The following ITGB3BP variants were observed in gnomAD, a reference collection of about 807,000 sequenced individuals.
ITGB3BP encodes the protein centromere protein R.
ITGB3BP carries 27 observed loss-of-function variants against 29.1 expected under a neutral mutation model. The observed-to-expected ratio is 0.93, with a 90% CI of 0.68 to 1.28. The LOEUF (loss-of-function observed/expected upper bound fraction) is 1.28, where lower values mean the gene tolerates loss of function less well. Ranked by LOEUF, ITGB3BP falls within the 50% of genes most tolerant of loss-of-function variation. The pLI, the probability that ITGB3BP is intolerant of heterozygous loss-of-function variation, is 0.00. For missense variants in ITGB3BP, 192 were observed against 200.2 expected (o/e 0.96, Z 0.25); for synonymous variants, 61 against 61.4 (o/e 0.99, Z 0.03).
At chr1:63,513,323 TATC>T (rs1646241978) in intron 1 of ITGB3BP, among the ~76,000 whole-genome samples, 1 of 152,234 alleles carries the variant, frequency 6.6e-6, no homozygotes. Flanking sequence ...AAGCCATTCC[TATC>T]ATTATTTATT....
In ITGB3BP at chr1:63,454,506, C is replaced by A. The variant is rs757388317; in HGVS notation, c.334-33G>T. 9.5e-7 allele frequency: 1 copy of A among 1,052,420 alleles called. No individual in the cohort carries two copies. The highest frequency in any genetic ancestry group is 1.4e-6 in the Non-Finnish European group (1 of 690,100). The allele number at this position is 1,052,420 out of a possible 1,614,324, so 65.2% of individuals were successfully genotyped here. On this transcript the variant is annotated intron_variant, in intron 5 of 8. Transcript: ENST00000271002. The surrounding 1 kb of genome is among the most constrained non-coding windows in gnomAD (Gnocchi z 4.1). ...AAAGTCATCTTGAATGAGTTAAGTT[C>A]TCTACACACATGAGATTACTGACAT... is the stretch of plus-strand genomic sequence containing the variant.
intron 2 of ITGB3BP, among the ~76,000 whole-genome samples, chr1:63,506,003 G>A (rs976706071): frequency 1.3e-5 from 2 of 152,184 alleles, no homozygotes; most frequent in African/African-American, 4.8e-5. Flanking sequence ...GATTTGGGGT[G>A]GAGAGTTCTG....
intron 2 of ITGB3BP, among the ~76,000 whole-genome samples, chr1:63,507,893 G>A (rs761181478): frequency 6.6e-6 from 1 of 152,106 alleles, no homozygotes; most frequent in Admixed American, 6.6e-5. Flanking sequence ...GAGGTCATAA[G>A]TATCTCAGTA....
intron 2 of ITGB3BP, among the ~76,000 whole-genome samples, chr1:63,500,909 AG>A (rs1347091995): frequency 2.0e-5 from 3 of 152,240 alleles, no homozygotes; most frequent in Non-Finnish European, 2.9e-5. Context: ...TTTTAATCTT[AG>A]AAACTTACAG....
intron 1 of ITGB3BP, among the ~76,000 whole-genome samples, chr1:63,511,157 A>G (rs941662261): frequency 1.1e-4 from 17 of 152,312 alleles, no homozygotes; most frequent in South Asian, 8.3e-4. Context: ...CTAATGACCA[A>G]TAAGCACATG....
chr1:63,445,162 T>C (rs1400125336), intron 8 of ITGB3BP, among the ~76,000 whole-genome samples: 1 of 152,008 alleles, frequency 6.6e-6, no homozygotes, highest in Non-Finnish European at 1.5e-5. Flanking sequence ...GGTGCTCAAC[T>C]GTAATCCCAG....
chr1:63,522,957 T>C (rs1646492703), intron 1 of ITGB3BP, 172 bp downstream of exon 1: 2 of 808,598 alleles, frequency 2.5e-6, no homozygotes, highest in African/African-American at 3.4e-5. Flanking sequence ...TGAGTACCGC[T>C]GGAGGAGACG....
chr1:63,471,640 G>A (rs1049556713), intron 4 of ITGB3BP, among the ~76,000 whole-genome samples: 1 of 152,108 alleles, frequency 6.6e-6, no homozygotes, highest in Non-Finnish European at 1.5e-5. Context: ...TAAGGGTCCA[G>A]ATAAAATTTT....
chr1:63,508,447 T>C, intron 2 of ITGB3BP, 81 bp downstream of exon 2: 2 of 663,606 alleles, frequency 3.0e-6, no homozygotes, highest in Non-Finnish European at 5.2e-6. Flanking sequence ...AAGATAATTT[T>C]AATATTTAAC....
chr1:63,520,873 CTTA>C (rs772415827), intron 1 of ITGB3BP, among the ~76,000 whole-genome samples: 1 of 152,080 alleles, frequency 6.6e-6, no homozygotes, highest in African/African-American at 2.4e-5. Flanking sequence ...CCATAAGTAG[CTTA>C]TTTTTGCGTG....
At position 63,472,918 on chromosome 1, in the gene ITGB3BP, G is replaced by A. The variant is rs1372453704; in HGVS notation, c.254+5846C>T. On this transcript the variant is annotated intron_variant, in intron 4 of 8. Coordinates refer to ENST00000271002, the MANE Select transcript of ITGB3BP (RefSeq NM_014288.5). ...CCACCCCGTCTGGGAAGTGAGGAGCGTCTCTGCCTGGCCGCCCATCATCTG... is the reference window on the plus strand; with the variant it reads ...CCACCCCGTCTGGGAAGTGAGGAGCATCTCTGCCTGGCCGCCCATCATCTG... Among the ~76,000 whole-genome samples, 9 of 151,992 alleles carry A rather than the reference G, an allele frequency of 5.9e-5. No homozygotes were observed. The South Asian group carries it at 8.3e-4, about 14-fold the overall frequency.
chr1:63,461,894 G>C (rs1411272120), intron 4 of ITGB3BP, among the ~76,000 whole-genome samples: 1 of 152,172 alleles, frequency 6.6e-6, no homozygotes, highest in Non-Finnish European at 1.5e-5. Context: ...TTGAAATCAG[G>C]AAATATGAGT....
At chr1:63,493,886 T>C (rs1645722933) in intron 2 of ITGB3BP, among the ~76,000 whole-genome samples, 1 of 152,214 alleles carries the variant, frequency 6.6e-6, no homozygotes, top group Non-Finnish European at 1.5e-5. Flanking sequence ...TGTCAGCCTA[T>C]GCTAAAATAT....
chr1:63,457,491 T>C (rs1333453721), intron 4 of ITGB3BP: 2 of 152,198 alleles, frequency 1.3e-5, no homozygotes, highest in African/African-American at 4.8e-5. Flanking sequence ...CCTTGGTTTT[T>C]AATATCATCT....
upstream of ITGB3BP, among the ~76,000 whole-genome samples, chr1:63,524,729 C>T (rs193206293): frequency 6.6e-6 from 1 of 152,108 alleles, no homozygotes; most frequent in Non-Finnish European, 1.5e-5. Flanking sequence ...AGAAACTGTT[C>T]GTGAAATTTA....
chr1:63,498,073 T>C (rs1359264966), intron 2 of ITGB3BP, among the ~76,000 whole-genome samples: 3 of 152,082 alleles, frequency 2.0e-5, no homozygotes, highest in South Asian at 2.1e-4. Flanking sequence ...ACTGGCAGAA[T>C]TGGAAGGGAG....
intron 4 of ITGB3BP, among the ~76,000 whole-genome samples, chr1:63,461,411 T>C (rs1645017147): frequency 6.6e-6 from 1 of 152,180 alleles, no homozygotes; most frequent in East Asian, 1.9e-4. Flanking sequence ...TCCCATTCTG[T>C]GCTTTGCCTT....
chr1:63,479,417 A>AT (rs1331662401), intron 3 of ITGB3BP, among the ~76,000 whole-genome samples: 36 of 152,180 alleles, frequency 2.4e-4, no homozygotes, highest in Admixed American at 2.3e-3. Flanking sequence ...ACTAGTTAAC[A>AT]TATCTATTAC....
intron 4 of ITGB3BP, among the ~76,000 whole-genome samples, chr1:63,469,395 C>CG (rs1234284927): frequency 1.3e-5 from 2 of 151,594 alleles, no homozygotes; most frequent in African/African-American, 4.8e-5. Context: ...GGCACGATCT[C>CG]GGCTCACCAC....
Sources: allele counts gnomAD v4.1 joint callset (sites outside exome capture counted in the v4.1 genomes callset), GRCh38; gene constraint gnomAD v4.1.1; non-coding constraint Gnocchi (gnomAD v3.1); transcripts MANE v1.5; gene names NCBI Gene and HGNC (gene_info 2026-07-23, HGNC 2026-07-21).